NWD2: variants seen among roughly 807,000 people sequenced by gnomAD.
NWD2 encodes NACHT and WD repeat domain-containing protein 2.
In NWD2, 37 loss-of-function variants were observed where a neutral mutation model predicts 132.7. The ratio of observed to expected loss-of-function variants is 0.28; its 90% CI spans 0.21 to 0.37. NWD2 has a LOEUF of 0.37. Among genes scored for constraint, NWD2 ranks in the 10% least tolerant of loss-of-function variants. NWD2 has a pLI of 1.00. For missense variants in NWD2, 1,592 were observed against 2,122.4 expected (o/e 0.75, Z 4.91); for synonymous variants, 705 against 803.0 (o/e 0.88, Z 2.06).
intron 3 of NWD2, among the ~76,000 whole-genome samples, chr4:37,424,237 C>G (rs911896983): frequency 6.6e-6 from 1 of 152,194 alleles, no homozygotes; most frequent in African/African-American, 2.4e-5. Flanking sequence ...GCCAAGGGTA[C>G]TGCCTACAAG....
intron 3 of NWD2, among the ~76,000 whole-genome samples, chr4:37,423,828 C>T (rs1711899752): frequency 6.6e-6 from 1 of 152,116 alleles, no homozygotes; most frequent in African/African-American, 2.4e-5. Context: ...TCTCCATTTC[C>T]CCTTTCTACT....
chr4:37,281,266 G>C (rs145863280), intron 1 of NWD2, among the ~76,000 whole-genome samples: 1 of 152,274 alleles, frequency 6.6e-6, no homozygotes, highest in East Asian at 1.9e-4. Context: ...GGGTGTCCTC[G>C]TGTGACAGTT....
chr4:37,255,009 C>T (rs957654606), intron 1 of NWD2, among the ~76,000 whole-genome samples: 10 of 152,172 alleles, frequency 6.6e-5, no homozygotes, highest in African/African-American at 1.4e-4. Flanking sequence ...TTTCTTGCCG[C>T]AGAACGTCTC....
At chr4:37,271,874 A>G (rs1717877444) in intron 1 of NWD2, among the ~76,000 whole-genome samples, 1 of 151,730 alleles carries the variant, frequency 6.6e-6, no homozygotes, top group African/African-American at 2.4e-5. Context: ...TTGTAAGGCA[A>G]GTCTACTAGT....
intron 3 of NWD2, among the ~76,000 whole-genome samples, chr4:37,415,702 TAAA>T (rs10684720): frequency 2.5e-5 from 3 of 118,392 alleles, no homozygotes; most frequent in African/African-American, 3.4e-5. Context: ...AGACTCCGTC[TAAA>T]AAAAAAAAAA....
At chr4:37,347,538 A>G (rs1266111750) in intron 2 of NWD2, among the ~76,000 whole-genome samples, 1 of 152,180 alleles carries the variant, frequency 6.6e-6, no homozygotes, top group African/African-American at 2.4e-5. Flanking sequence ...ATAATGCCAC[A>G]CATCTACAAC....
rs145620099 is a variant in NWD2 at position 37,339,200 on chromosome 4, G to T, written c.240+13176G>T. ...TACATCATCCTTCTCCCATCCATGT[G>T]AGTGAGGCAGCTTATAAAAAGGGGG... is the stretch of plus-strand genomic sequence containing the variant. On this transcript the variant is annotated intron_variant, in intron 2 of 6. Coordinates refer to ENST00000309447, the MANE Select transcript of NWD2 (RefSeq NM_001144990.2). Among the ~76,000 whole-genome samples, 4 of 152,240 alleles carry T rather than the reference G, an allele frequency of 2.6e-5. No individual in the cohort carries two copies. In the East Asian group the frequency reaches 7.7e-4, roughly 29 times the overall value.
chr4:37,360,687 G>T (rs535440879), intron 3 of NWD2, among the ~76,000 whole-genome samples: 1 of 152,106 alleles, frequency 6.6e-6, no homozygotes, highest in Non-Finnish European at 1.5e-5. Context: ...CCTACTTGTC[G>T]CATTCCCTAG....
At chr4:37,272,504 T>C (rs1024769215) in intron 1 of NWD2, among the ~76,000 whole-genome samples, 2 of 151,794 alleles carry the variant, frequency 1.3e-5, no homozygotes, top group Admixed American at 1.3e-4. Context: ...AGTTCTGTTA[T>C]ATTCATATTT....
In NWD2 at chr4:37,444,268, A is replaced by C; in HGVS notation, c.2280A>C (p.Ala760=). 2 of 1,551,648 alleles carry C rather than the reference A, an allele frequency of 1.3e-6. No homozygotes were observed. The highest frequency in any genetic ancestry group is 1.7e-6 in the Non-Finnish European group (2 of 1,146,982). Residue 760 remains alanine (A), a synonymous_variant, in exon 7 of 7, where the codon GCA becomes GCC. Transcript: ENST00000309447. The surrounding 1 kb of genome is among the most constrained non-coding windows in gnomAD (Gnocchi z 4.8). ...NDLREMHTIL[A]DYFLGVWSGG... The stretch of plus-strand genomic sequence containing the variant: ...TGCGTGAAATGCACACCATCTTAGC[A>C]GATTATTTTCTGGGGGTTTGGTCAG...
intron 3 of NWD2, among the ~76,000 whole-genome samples, chr4:37,421,404 A>C (rs774406244): frequency 2.0e-5 from 3 of 152,196 alleles, no homozygotes; most frequent in Non-Finnish European, 4.4e-5. Flanking sequence ...TGATATTTCT[A>C]AAGAATAATG....
intron 1 of NWD2, among the ~76,000 whole-genome samples, chr4:37,268,706 G>GA (rs1478788783): frequency 1.4e-5 from 2 of 139,658 alleles, no homozygotes; most frequent in East Asian, 2.0e-4. Flanking sequence ...GATAATTAGA[G>GA]AAAAAAAGCA....
At chr4:37,398,624 AC>A (rs1164245438) in intron 3 of NWD2, among the ~76,000 whole-genome samples, 1 of 152,086 alleles carries the variant, frequency 6.6e-6, no homozygotes, top group Non-Finnish European at 1.5e-5. Flanking sequence ...CTTTGCCACA[AC>A]CTTTGGCCCC....
At chr4:37,390,915 A>G (rs760987786) in intron 3 of NWD2, among the ~76,000 whole-genome samples, 4 of 152,228 alleles carry the variant, frequency 2.6e-5, no homozygotes, top group African/African-American at 4.8e-5. Flanking sequence ...TAGTCTGTTT[A>G]CCAAATCAAG....
intron 2 of NWD2, among the ~76,000 whole-genome samples, chr4:37,332,448 G>A (rs1719313446): frequency 7.1e-6 from 1 of 140,582 alleles, no homozygotes; most frequent in African/African-American, 2.7e-5. Flanking sequence ...AAGGTAACCT[G>A]CTGCCTTGAA....
chr4:37,326,021 T>C lies in NWD2; in HGVS notation c.237T>C (p.Phe79=), dbSNP rs1401340887. The change falls in exon 2 of 7, where the codon TTT becomes TTC. Residue 79 remains phenylalanine (F), a synonymous_variant. Transcript: ENST00000309447. The part of the protein sequence containing the change: ...EFCRENYGLE[F]QVIDLYWGVE... ...GCAGAGAAAACTATGGATTGGAATTTCAGGTAATTCTAGTGTTAATTTCAT... is the reference window on the plus strand; with the variant it reads ...GCAGAGAAAACTATGGATTGGAATTCCAGGTAATTCTAGTGTTAATTTCAT... 2 of 1,516,306 alleles carry C rather than the reference T, an allele frequency of 1.3e-6. No individual in the cohort carries two copies. The highest frequency in any genetic ancestry group is 2.4e-5 in the South Asian group (2 of 82,968). 93.9% of individuals were successfully genotyped at this position (1,516,306 alleles called of 1,614,324 possible).
intron 2 of NWD2, among the ~76,000 whole-genome samples, chr4:37,327,826 C>G (rs1719204137): frequency 6.6e-6 from 1 of 152,116 alleles, no homozygotes; most frequent in Non-Finnish European, 1.5e-5. Flanking sequence ...GCTTCATGAA[C>G]AGCCAGTTTA....
intron 3 of NWD2, among the ~76,000 whole-genome samples, chr4:37,419,466 CT>C (rs1711741641): frequency 6.6e-6 from 1 of 152,134 alleles, no homozygotes; most frequent in South Asian, 2.1e-4. Context: ...AACAGACAAC[CT>C]ACAGGATGGG....
intron 3 of NWD2, among the ~76,000 whole-genome samples, chr4:37,390,018 G>A (rs960639851): frequency 2.0e-5 from 3 of 152,162 alleles, no homozygotes; most frequent in African/African-American, 7.2e-5. Flanking sequence ...TCAAACTCTT[G>A]ACCTCAGGTG....
Sources: allele counts gnomAD v4.1 joint callset (sites outside exome capture counted in the v4.1 genomes callset), GRCh38; gene constraint gnomAD v4.1.1; non-coding constraint Gnocchi (gnomAD v3.1); transcripts MANE v1.5; gene names NCBI Gene and HGNC (gene_info 2026-07-23, HGNC 2026-07-21).